HS3ST4: variants seen among roughly 807,000 people sequenced by gnomAD.
The protein encoded by HS3ST4 is heparan sulfate-glucosamine 3-sulfotransferase 4.
A neutral mutation model predicts 29.2 loss-of-function variants in HS3ST4; 17 were observed. That is an observed-to-expected ratio of 0.58 (90% confidence interval 0.40 to 0.87). The LOEUF (loss-of-function observed/expected upper bound fraction) is 0.87, where lower values mean the gene tolerates loss of function less well. Among genes scored for constraint, HS3ST4 ranks in the 40% least tolerant of loss-of-function variants. The probability of loss-of-function intolerance (pLI) is 0.00; values close to 1 mark genes in which losing one functional copy is unlikely to be tolerated. For missense variants in HS3ST4, 627 were observed against 634.5 expected, an observed-to-expected ratio of 0.99 and a Z score of 0.13; for synonymous variants, 314 against 285.7, an observed-to-expected ratio of 1.10 and a Z score of -1.00.
chr16:25,933,841 CTCA>C (rs1315468393), intron 1 of HS3ST4, among the ~76,000 whole-genome samples: 1 of 152,024 alleles, frequency 6.6e-6, no homozygotes, highest in Admixed American at 6.5e-5. Flanking sequence ...CTCCTGGGAA[CTCA>C]TAGAGCGAGA....
chr16:25,839,870 A>C (rs7205880), intron 1 of HS3ST4, among the ~76,000 whole-genome samples: 1 of 152,016 alleles, frequency 6.6e-6, no homozygotes, highest in Admixed American at 6.5e-5. Flanking sequence ...ATTGAACTTG[A>C]GCTCCATTTT....
intron 1 of HS3ST4, among the ~76,000 whole-genome samples, chr16:26,001,397 G>T (rs1969210480): frequency 1.3e-5 from 2 of 152,028 alleles, no homozygotes; most frequent in African/African-American, 2.4e-5. Context: ...GCTAATAATA[G>T]GTAAATCTAG....
chr16:25,704,879 C>G (rs968658701), intron 1 of HS3ST4, among the ~76,000 whole-genome samples: 5 of 122,522 alleles, frequency 4.1e-5, no homozygotes, highest in African/African-American at 1.5e-4. Context: ...AACTCCATCT[C>G]AAAAAAAAAA....
intron 1 of HS3ST4, among the ~76,000 whole-genome samples, chr16:25,772,090 AC>A (rs1389434817): frequency 2.0e-5 from 3 of 152,210 alleles, no homozygotes; most frequent in African/African-American, 7.2e-5. Flanking sequence ...ATGAAATAAA[AC>A]TTTATGTACA....
intron 1 of HS3ST4, among the ~76,000 whole-genome samples, chr16:25,779,931 C>A (rs1475913672): frequency 6.6e-6 from 1 of 152,178 alleles, no homozygotes; most frequent in African/African-American, 2.4e-5. Flanking sequence ...CTGGCATTGT[C>A]AAAGGAGGAG....
At chr16:25,873,396 A>ATCTG (rs1967781491) in intron 1 of HS3ST4, among the ~76,000 whole-genome samples, 1 of 133,092 alleles carries the variant, frequency 7.5e-6, no homozygotes, top group Non-Finnish European at 1.6e-5. Flanking sequence ...CCATCCATCC[A>ATCTG]TCCATCCATC....
chr16:26,108,325 C>G (rs1899083762), intron 1 of HS3ST4, among the ~76,000 whole-genome samples: 1 of 152,130 alleles, frequency 6.6e-6, no homozygotes, highest in African/African-American at 2.4e-5. Flanking sequence ...ACTCTCTGAG[C>G]CTAACTCTTC....
rs892034672 is a variant in HS3ST4 at position 26,133,027 on chromosome 16, C to T, written c.735-2585C>T. The stretch of plus-strand genomic sequence containing the variant: ...CTTGTTGGACACCAGCCTCCAGATC[C>T]GGAAGTGCAATTGATGATATTGGCA... On this transcript the variant is annotated intron_variant, in intron 1 of 1. Transcript: ENST00000331351. 1.3e-5 allele frequency among the ~76,000 whole-genome samples: 2 copies of T among 152,110 alleles called. 1 individual carries two copies. The highest frequency in any genetic ancestry group is 4.8e-5 in the African/African-American group (2 of 41,418).
At chr16:25,879,138 C>G (rs1221420010) in intron 1 of HS3ST4, among the ~76,000 whole-genome samples, 1 of 152,138 alleles carries the variant, frequency 6.6e-6, no homozygotes, top group African/African-American at 2.4e-5. Flanking sequence ...CTGAATGATT[C>G]CAGTACTTCT....
chr16:26,099,739 TG>T (rs1249522201), intron 1 of HS3ST4, among the ~76,000 whole-genome samples: 1 of 152,150 alleles, frequency 6.6e-6, no homozygotes, highest in African/African-American at 2.4e-5. Context: ...TCTATCCTTA[TG>T]GAGCTTACAT....
At chr16:26,083,450 T>C (rs1022953131) in intron 1 of HS3ST4, among the ~76,000 whole-genome samples, 1 of 152,180 alleles carries the variant, frequency 6.6e-6, no homozygotes, top group Non-Finnish European at 1.5e-5. Context: ...GCACTGACTA[T>C]TCAGTGCTAA....
chr16:25,961,546 T>A (rs1279686374), intron 1 of HS3ST4, among the ~76,000 whole-genome samples: 1 of 152,212 alleles, frequency 6.6e-6, no homozygotes, highest in Admixed American at 6.5e-5. Context: ...GAACATAATG[T>A]GTTTTCTGCT....
chr16:26,092,421 G>A (rs7185420), intron 1 of HS3ST4, among the ~76,000 whole-genome samples: 82,078 of 151,906 alleles, frequency 0.54, 22,914 homozygotes, highest in African/African-American at 0.67. Flanking sequence ...GCCCAAAGGT[G>A]TATACCTGAT....
At chr16:25,952,275 G>T (rs1437108970) in intron 1 of HS3ST4, among the ~76,000 whole-genome samples, 3 of 152,158 alleles carry the variant, frequency 2.0e-5, no homozygotes, top group African/African-American at 7.2e-5. Flanking sequence ...TGTAAGTAAT[G>T]GTCCTTCCCA....
At chr16:25,854,859 A>G (rs563976212) in intron 1 of HS3ST4, among the ~76,000 whole-genome samples, 1 of 152,184 alleles carries the variant, frequency 6.6e-6, no homozygotes, top group East Asian at 1.9e-4. Context: ...TATGAGTGAA[A>G]GTTTACAAAT....
chr16:26,086,982 TAA>T (rs1397263696), intron 1 of HS3ST4, among the ~76,000 whole-genome samples: 2 of 152,216 alleles, frequency 1.3e-5, no homozygotes, highest in Non-Finnish European at 2.9e-5. Context: ...CTGCTATCAC[TAA>T]GTGAAAAATT....
intron 1 of HS3ST4, among the ~76,000 whole-genome samples, chr16:25,984,883 G>T (rs756936095): frequency 6.6e-6 from 1 of 152,114 alleles, no homozygotes; most frequent in Non-Finnish European, 1.5e-5. Context: ...AAGAACTGTC[G>T]CAGCAGCTCA....
At chr16:26,045,321 A>G (rs962854706) in intron 1 of HS3ST4, among the ~76,000 whole-genome samples, 2 of 152,186 alleles carry the variant, frequency 1.3e-5, no homozygotes, top group Non-Finnish European at 2.9e-5. Flanking sequence ...TTCATAATGC[A>G]TCTTAGCATT....
chr16:25,818,678 G>A (rs753382719), intron 1 of HS3ST4, among the ~76,000 whole-genome samples: 9 of 152,144 alleles, frequency 5.9e-5, no homozygotes, highest in Non-Finnish European at 1.0e-4. Context: ...TAAAAAATTA[G>A]GAAAGTTAGA....
Sources: gnomAD v4.1 joint callset for allele counts (sites outside exome capture counted in the v4.1 genomes callset) on GRCh38, gnomAD v4.1.1 for gene constraint, MANE v1.5 for transcripts, NCBI Gene and HGNC (gene_info 2026-07-23, HGNC 2026-07-21) for gene names.